Variants in MARCHF11 observed in about 807,000 individuals in gnomAD.
MARCHF11 encodes membrane associated ring-CH-type finger 11, also known as E3 ubiquitin-protein ligase MARCHF11.
Under a neutral mutation model 37.3 loss-of-function variants are expected in MARCHF11, and 29 were observed. The observed-to-expected ratio is 0.78, with a 90% CI of 0.58 to 1.06. The LOEUF is 1.06. Among genes scored for constraint, MARCHF11 ranks in the 50% least tolerant of loss-of-function variants. The probability of loss-of-function intolerance (pLI) is 0.00; values close to 1 mark genes in which losing one functional copy is unlikely to be tolerated. For missense variants in MARCHF11, 482 were observed against 533.4 expected, an observed-to-expected ratio of 0.90 and a Z score of 0.95; for synonymous variants, 233 against 228.0, an observed-to-expected ratio of 1.02 and a Z score of -0.20.
intron 2 of MARCHF11, among the ~76,000 whole-genome samples, chr5:16,106,246 G>A (rs1016979028): frequency 1.3e-5 from 2 of 152,154 alleles, no homozygotes; most frequent in African/African-American, 4.8e-5. Context: ...TGTCTCTGTG[G>A]CACCCCATTC....
At chr5:16,138,056 G>A (rs1433623385) in intron 2 of MARCHF11, among the ~76,000 whole-genome samples, 11 of 152,156 alleles carry the variant, frequency 7.2e-5, no homozygotes, top group Admixed American at 5.2e-4. Context: ...CCATTTCTGA[G>A]GAGCAATTCA....
chr5:16,092,632 C>T (rs866143913), intron 2 of MARCHF11, among the ~76,000 whole-genome samples: 34 of 152,068 alleles, frequency 2.2e-4, no homozygotes, highest in Admixed American at 3.9e-4. Flanking sequence ...TACCTAATGC[C>T]TGAGGGGCTT....
intron 3 of MARCHF11, 98 bp from the exon 4 acceptor site, chr5:16,067,891 T>A: frequency 9.4e-7 from 1 of 1,058,416 alleles, no homozygotes; most frequent in East Asian, 2.6e-5. Flanking sequence ...AATAGTTATG[T>A]TATTCATCAT....
At chr5:16,078,877 C>T (rs1025557041) in intron 3 of MARCHF11, among the ~76,000 whole-genome samples, 5 of 152,134 alleles carry the variant, frequency 3.3e-5, no homozygotes, top group Admixed American at 1.3e-4. Context: ...ACTCAGATCT[C>T]TCTGAGGCTA....
At chr5:16,135,332 A>T (rs1737590057) in intron 2 of MARCHF11, among the ~76,000 whole-genome samples, 1 of 152,182 alleles carries the variant, frequency 6.6e-6, no homozygotes, top group African/African-American at 2.4e-5. Flanking sequence ...TCTAGGAGTT[A>T]GTGGGCCAAA....
chr5:16,068,707 A>G (rs1340725791), intron 3 of MARCHF11, among the ~76,000 whole-genome samples: 1 of 152,200 alleles, frequency 6.6e-6, no homozygotes. Context: ...CATTTCACAC[A>G]TTTACATTTC....
At chr5:16,174,853 C>G (rs1353451777) in intron 2 of MARCHF11, among the ~76,000 whole-genome samples, 1 of 152,164 alleles carries the variant, frequency 6.6e-6, no homozygotes, top group African/African-American at 2.4e-5. Context: ...AAAAGAAGGG[C>G]CAGACTCCAG....
At chr5:16,147,214 G>T (rs939895813) in intron 2 of MARCHF11, among the ~76,000 whole-genome samples, 1 of 152,146 alleles carries the variant, frequency 6.6e-6, no homozygotes, top group Non-Finnish European at 1.5e-5. Context: ...TCAGTGCTTA[G>T]TCTCTATGCT....
chr5:16,089,030 T>C (rs1487811135), intron 3 of MARCHF11, among the ~76,000 whole-genome samples: 1 of 152,022 alleles, frequency 6.6e-6, no homozygotes, highest in African/African-American at 2.4e-5. Context: ...ATAATCTTGA[T>C]CAAAATATTA....
chr5:16,101,455 A>C (rs1194997509), intron 2 of MARCHF11, among the ~76,000 whole-genome samples: 2 of 152,234 alleles, frequency 1.3e-5, no homozygotes, highest in African/African-American at 2.4e-5. Flanking sequence ...GTCTCATAAC[A>C]AAAGCAGGTG....
chr5:16,099,516 T>A (rs1170240536), intron 2 of MARCHF11, among the ~76,000 whole-genome samples: 1 of 152,150 alleles, frequency 6.6e-6, no homozygotes, highest in Non-Finnish European at 1.5e-5. Flanking sequence ...CTCACCATTG[T>A]TCATATAGTC....
At chr5:16,086,923 G>A (rs1047103085) in intron 3 of MARCHF11, among the ~76,000 whole-genome samples, 44 of 152,288 alleles carry the variant, frequency 2.9e-4, no homozygotes, top group South Asian at 1.0e-3. Flanking sequence ...GCCTTCTGCC[G>A]GGCAGGTGTA....
chr5:16,177,118 T>C (rs168210), intron 2 of MARCHF11, among the ~76,000 whole-genome samples: 91,678 of 152,066 alleles, frequency 0.6, 29,117 homozygotes, highest in East Asian at 0.87. Context: ...AGAATACTAG[T>C]TCAGTAGTAT....
In MARCHF11 at chr5:16,076,295, A is replaced by T. The variant is rs1010450607; in HGVS notation, c.887-8502T>A. The stretch of plus-strand genomic sequence containing the variant: ...AAAAATATGGTATATCTTTTTTATC[A>T]TTTTTTTTAAATGGATTAACAGAAT... On this transcript the variant is annotated intron_variant, in intron 3 of 3. Coordinates refer to ENST00000332432, the MANE Select transcript of MARCHF11 (RefSeq NM_001102562.3). 3.7e-4 allele frequency among the ~76,000 whole-genome samples: 57 copies of T among 152,060 alleles called. 1 individual carries two copies. Among genetic ancestry groups the T allele is most frequent in the Admixed American group, 1.1e-3 (17 of 15,250 alleles).
intron 3 of MARCHF11, among the ~76,000 whole-genome samples, chr5:16,075,591 G>C (rs551290210): frequency 1.3e-5 from 2 of 150,990 alleles, no homozygotes; most frequent in Non-Finnish European, 2.9e-5. Context: ...GAGAGGGAGA[G>C]AGAGAGAGAG....
intron 2 of MARCHF11, among the ~76,000 whole-genome samples, chr5:16,130,071 G>C (rs1737489204): frequency 1.3e-5 from 2 of 152,082 alleles, no homozygotes; most frequent in Admixed American, 1.3e-4. Context: ...AGAGAAATGA[G>C]AGATAATTAT....
Position 16,091,048 on chromosome 5 carries a change from C to A in MARCHF11, c.727G>T (p.Val243Phe). Residue 243 changes from valine (V) to phenylalanine (F), a missense_variant, in exon 3 of 4, where the codon GTT becomes TTT. Physicochemically the swap from Val to Phe is conservative, Grantham distance 50. Transcript: ENST00000332432. ...QSISITLVEK[V>F]QMIAVILGSL... is the part of the protein sequence containing the mutation. ...CCTAGGATTACAGCAATCATCTGAA[C>A]TTTCTCAACCAGTGTTATAGAAATG... 6.2e-7 allele frequency: 1 copy of A among 1,601,764 alleles called. No homozygotes were observed. Among genetic ancestry groups the A allele is most frequent in the Non-Finnish European group, 8.5e-7 (1 of 1,173,556 alleles).
intron 3 of MARCHF11, among the ~76,000 whole-genome samples, chr5:16,073,043 T>C (rs896356857): frequency 6.6e-6 from 1 of 152,162 alleles, no homozygotes. Context: ...TCCCAATACA[T>C]CTCATATATT....
At chr5:16,162,392 G>A (rs1435126515) in intron 2 of MARCHF11, among the ~76,000 whole-genome samples, 3 of 151,916 alleles carry the variant, frequency 2.0e-5, no homozygotes, top group Non-Finnish European at 4.4e-5. Context: ...AAAACCCAAA[G>A]TGAAATATAC....
Sources: gnomAD v4.1 joint callset for allele counts (sites outside exome capture counted in the v4.1 genomes callset) on GRCh38, gnomAD v4.1.1 for gene constraint, MANE v1.5 for transcripts, NCBI Gene and HGNC (gene_info 2026-07-23, HGNC 2026-07-21) for gene names.